The following CSMD1 variants were observed in gnomAD, a reference collection of about 807,000 sequenced individuals.
The protein encoded by CSMD1 is CUB and sushi domain-containing protein 1.
In CSMD1, 213 loss-of-function variants were observed where a neutral mutation model predicts 417.5. The ratio of observed to expected loss-of-function variants is 0.51; its 90% CI spans 0.46 to 0.57. The LOEUF (loss-of-function observed/expected upper bound fraction) is 0.57, where lower values mean the gene tolerates loss of function less well. CSMD1 is among the 20% of genes least tolerant of loss of function. The pLI is 0.00. For missense variants in CSMD1, 6,923 were observed against 4,529.7 expected, an observed-to-expected ratio of 1.53 and a Z score of -15.17; for synonymous variants, 2,862 against 1,736.8, an observed-to-expected ratio of 1.65 and a Z score of -16.11.
chr8:4,752,227 T>A (rs933165314), intron 1 of CSMD1, among the ~76,000 whole-genome samples: 2 of 152,158 alleles, frequency 1.3e-5, no homozygotes, highest in African/African-American at 4.8e-5. Flanking sequence ...ATATCTTAAT[T>A]TTTTTGTCTC....
At chr8:4,416,546 G>A (rs888047263) in intron 3 of CSMD1, among the ~76,000 whole-genome samples, 10 of 152,020 alleles carry the variant, frequency 6.6e-5, no homozygotes, top group Non-Finnish European at 8.8e-5. Context: ...ATAGATGCAC[G>A]CATTTCCAAC....
rs1233685405 is a variant in CSMD1, at chr8:4,146,148, G to A, written c.416-114049C>T. Among the ~76,000 whole-genome samples, 11 of 150,922 alleles carry A rather than the reference G, an allele frequency of 7.3e-5. 1 individual carries two copies. The highest frequency in any genetic ancestry group is 2.0e-4 in the Admixed American group (3 of 15,210). On this transcript the variant is annotated intron_variant, in intron 3 of 69. Transcript: ENST00000635120. ...AATTCAGAGCCTACATATGATGGGT[G>A]ACATATAATCCAGCCTCATACTCCG...
chr8:3,220,909 T>G (rs1356061320), intron 28 of CSMD1, among the ~76,000 whole-genome samples: 1 of 152,188 alleles, frequency 6.6e-6, no homozygotes, highest in African/African-American at 2.4e-5. Context: ...TTCTTCTCTA[T>G]AGCAGGTTTT....
intron 1 of CSMD1, among the ~76,000 whole-genome samples, chr8:4,795,013 G>A (rs185245741): frequency 6.9e-6 from 1 of 143,952 alleles, no homozygotes; most frequent in African/African-American, 2.5e-5. Context: ...GGGTAGAAAG[G>A]TCAAAGAAAG....
chr8:4,881,469 T>G (rs1178789834), intron 1 of CSMD1, among the ~76,000 whole-genome samples: 2 of 148,124 alleles, frequency 1.4e-5, no homozygotes, highest in East Asian at 4.0e-4. Context: ...CTATCTTGTC[T>G]CCCTACATGC....
At chr8:3,206,041 A>C (rs188864853) in intron 30 of CSMD1, among the ~76,000 whole-genome samples, 2 of 152,176 alleles carry the variant, frequency 1.3e-5, no homozygotes, top group Admixed American at 6.5e-5. Flanking sequence ...TGGGAATCAA[A>C]GGAAAAATGT....
At chr8:3,396,083 G>A (rs922375375) in intron 17 of CSMD1, 111 bp downstream of exon 17, 4 of 887,774 alleles carry the variant, frequency 4.5e-6, no homozygotes, top group Non-Finnish European at 3.5e-6. Context: ...CTAGAGTCAA[G>A]CAGGATCAGT....
intron 4 of CSMD1, among the ~76,000 whole-genome samples, chr8:4,027,952 G>C (rs1797148793): frequency 6.6e-6 from 1 of 152,124 alleles, no homozygotes; most frequent in South Asian, 2.1e-4. Flanking sequence ...GAAGAAGAAA[G>C]AATATATTTA....
At chr8:4,473,704 G>T (rs552380386) in intron 2 of CSMD1, among the ~76,000 whole-genome samples, 1 of 152,250 alleles carries the variant, frequency 6.6e-6, no homozygotes, top group Admixed American at 6.5e-5. Context: ...ATGATGTAAG[G>T]TATGCAGGAA....
chr8:4,135,531 G>C (rs564870004), intron 3 of CSMD1, among the ~76,000 whole-genome samples: 18 of 152,080 alleles, frequency 1.2e-4, no homozygotes, highest in Non-Finnish European at 2.4e-4. Context: ...AGAAAAAACA[G>C]TTATGTTTCA....
At chr8:3,500,250 T>A (rs901901545) in intron 10 of CSMD1, among the ~76,000 whole-genome samples, 1 of 152,198 alleles carries the variant, frequency 6.6e-6, no homozygotes, top group Non-Finnish European at 1.5e-5. Context: ...TACCTACTTG[T>A]CATTTTGGTT....
chr8:4,924,881 C>A (rs969835566), intron 1 of CSMD1, among the ~76,000 whole-genome samples: 1 of 152,088 alleles, frequency 6.6e-6, no homozygotes, highest in Non-Finnish European at 1.5e-5. Context: ...CCAACCAGCA[C>A]AAGACAAAAC....
intron 26 of CSMD1, among the ~76,000 whole-genome samples, chr8:3,239,154 C>G (rs1186767607): frequency 6.6e-6 from 1 of 152,092 alleles, no homozygotes; most frequent in Admixed American, 6.5e-5. Context: ...GGTGGCTGAG[C>G]TTGGTAAGGT....
intron 2 of CSMD1, among the ~76,000 whole-genome samples, chr8:4,595,499 G>T (rs1255017336): frequency 6.6e-6 from 1 of 151,922 alleles, no homozygotes; most frequent in Non-Finnish European, 1.5e-5. Flanking sequence ...TCAAATGGTG[G>T]CAATTGTTTT....
At chr8:3,689,531 C>T (rs747344882) in intron 7 of CSMD1, among the ~76,000 whole-genome samples, 5 of 152,022 alleles carry the variant, frequency 3.3e-5, no homozygotes, top group African/African-American at 9.7e-5. Context: ...TCTTCTTTTC[C>T]CGGAGGAGCC....
chr8:4,341,962 C>A (rs1461210114), intron 3 of CSMD1, among the ~76,000 whole-genome samples: 1 of 152,088 alleles, frequency 6.6e-6, no homozygotes, highest in Admixed American at 6.6e-5. Flanking sequence ...ACATATTACC[C>A]TGGTTCAAGA....
chr8:3,536,548 C>T (rs762901340), intron 10 of CSMD1, among the ~76,000 whole-genome samples: 3 of 152,162 alleles, frequency 2.0e-5, no homozygotes, highest in Admixed American at 6.5e-5. Flanking sequence ...GAAGGATGAG[C>T]CTGGTTCCTG....
intron 3 of CSMD1, among the ~76,000 whole-genome samples, chr8:4,329,277 C>T (rs550548593): frequency 5.8e-4 from 89 of 152,190 alleles, no homozygotes; most frequent in African/African-American, 2.0e-3. Flanking sequence ...TACTAAAATG[C>T]TTGAACAAAA....
At chr8:3,467,474 C>T (rs1299077726) in intron 12 of CSMD1, among the ~76,000 whole-genome samples, 1 of 152,200 alleles carries the variant, frequency 6.6e-6, no homozygotes, top group Non-Finnish European at 1.5e-5. Flanking sequence ...ATTCAAACGT[C>T]AGGAGGTATT....
Sources: gnomAD v4.1 joint callset for allele counts (sites outside exome capture counted in the v4.1 genomes callset) on GRCh38, gnomAD v4.1.1 for gene constraint, MANE v1.5 for transcripts, NCBI Gene and HGNC (gene_info 2026-07-23, HGNC 2026-07-21) for gene names.